Variants in SLIT3 observed in about 807,000 individuals in gnomAD.
SLIT3 encodes the protein slit homolog 3 protein.
SLIT3 carries 68 observed loss-of-function variants against 184.0 expected under a neutral mutation model. That is an observed-to-expected ratio of 0.37 (90% confidence interval 0.30 to 0.45). The LOEUF (loss-of-function observed/expected upper bound fraction) is 0.45, where lower values mean the gene tolerates loss of function less well. SLIT3 is among the 20% of genes least tolerant of loss of function. The probability of loss-of-function intolerance (pLI) is 1.00; values close to 1 mark genes in which losing one functional copy is unlikely to be tolerated. For synonymous variants in SLIT3, 831 were observed against 828.6 expected (o/e 1.00, Z -0.05); for missense variants, 1,707 against 2,026.0 (o/e 0.84, Z 3.02).
chr5:169,229,261 AAC>A (rs1474729123), intron 3 of SLIT3, among the ~76,000 whole-genome samples: 1 of 152,234 alleles, frequency 6.6e-6, no homozygotes, highest in African/African-American at 2.4e-5. Context: ...TAAAGAATAA[AAC>A]AAAACTAAAA....
At chr5:169,245,775 C>T (rs1334894274) in intron 2 of SLIT3, among the ~76,000 whole-genome samples, 1 of 152,174 alleles carries the variant, frequency 6.6e-6, no homozygotes, top group Non-Finnish European at 1.5e-5. Context: ...AAACTGAATG[C>T]TCCATGACAG....
intron 4 of SLIT3, among the ~76,000 whole-genome samples, chr5:168,907,988 AG>A (rs1294757561): frequency 2.1e-5 from 3 of 140,446 alleles, no homozygotes; most frequent in Admixed American, 7.2e-5. Context: ...ATAGAGAGAG[AG>A]AGAGAGAGAG....
At chr5:168,716,250 C>G (rs1387468247) in intron 23 of SLIT3, among the ~76,000 whole-genome samples, 1 of 152,160 alleles carries the variant, frequency 6.6e-6, no homozygotes, top group African/African-American at 2.4e-5. Context: ...GCTGGGATAA[C>G]AGACACATTC....
At chr5:169,249,653 T>C (rs1765708581) in intron 2 of SLIT3, among the ~76,000 whole-genome samples, 9 of 152,146 alleles carry the variant, frequency 5.9e-5, no homozygotes, top group Admixed American at 5.9e-4. Context: ...ACCTGGCAAA[T>C]GACATAGAAT....
chr5:168,895,429 A>G (rs964449535), intron 4 of SLIT3, among the ~76,000 whole-genome samples: 5 of 152,190 alleles, frequency 3.3e-5, no homozygotes, highest in Non-Finnish European at 7.3e-5. Flanking sequence ...TCAGAAGACC[A>G]TTAAACAAGT....
In SLIT3 at chr5:169,194,060, C is replaced by A. The variant is rs1763658848; in HGVS notation, c.342-510G>T. 3.3e-5 allele frequency among the ~76,000 whole-genome samples: 5 copies of A among 151,730 alleles called. No homozygotes were observed. In the South Asian group the frequency reaches 1.0e-3, roughly 32 times the overall value. Reference sequence around the variant, plus strand: ...CATCATTGGGCAACATGGTGAAACCCCGTTTCTAATAAAAATACAAAAAAA... The same window carrying A: ...CATCATTGGGCAACATGGTGAAACCACGTTTCTAATAAAAATACAAAAAAA... On this transcript the variant is annotated intron_variant, in intron 3 of 35. Transcript: ENST00000519560.
chr5:169,161,185 C>T (rs1001570925), intron 4 of SLIT3, among the ~76,000 whole-genome samples: 37 of 152,228 alleles, frequency 2.4e-4, no homozygotes, highest in Non-Finnish European at 4.6e-4. Flanking sequence ...CATTTGGCAT[C>T]CCAGCGGTGC....
chr5:168,978,197 A>G (rs1357610694), intron 4 of SLIT3, among the ~76,000 whole-genome samples: 2 of 152,200 alleles, frequency 1.3e-5, no homozygotes, highest in Non-Finnish European at 2.9e-5. Context: ...CCCAGTTTGA[A>G]AGTGAAGATA....
At chr5:169,117,265 A>G (rs1347841764) in intron 4 of SLIT3, among the ~76,000 whole-genome samples, 2 of 152,214 alleles carry the variant, frequency 1.3e-5, no homozygotes, top group African/African-American at 2.4e-5. Context: ...CTTACAATCT[A>G]TAAAAAGCAC....
chr5:169,099,997 G>A (rs1174405071), intron 4 of SLIT3, among the ~76,000 whole-genome samples: 1 of 152,250 alleles, frequency 6.6e-6, no homozygotes, highest in Non-Finnish European at 1.5e-5. Context: ...GCAGATGTCA[G>A]AGAGATGACT....
chr5:169,267,354 T>A (rs940143326), intron 1 of SLIT3, among the ~76,000 whole-genome samples: 12 of 152,226 alleles, frequency 7.9e-5, no homozygotes, highest in Non-Finnish European at 1.5e-5. Flanking sequence ...GCTAAACTAA[T>A]AAGCTCCAAC....
intron 4 of SLIT3, among the ~76,000 whole-genome samples, chr5:168,909,234 C>G (rs759537946): frequency 1.3e-5 from 2 of 152,200 alleles, no homozygotes; most frequent in Admixed American, 1.3e-4. Context: ...TTTATGGATT[C>G]CTCCTTTGCT....
chr5:169,081,213 C>T (rs1014177118), intron 4 of SLIT3, among the ~76,000 whole-genome samples: 2 of 152,180 alleles, frequency 1.3e-5, no homozygotes, highest in African/African-American at 4.8e-5. Flanking sequence ...CTCTGGGGCC[C>T]CCTGGAGGGG....
At chr5:168,844,772 C>T (rs1382264991) in intron 5 of SLIT3, 117 bp from the exon 6 acceptor site, 1 of 821,044 alleles carries the variant, frequency 1.2e-6, no homozygotes, top group African/African-American at 1.7e-5. Flanking sequence ...TGGTCCCCGC[C>T]AGGAGCTCGT....
At chr5:169,094,474 C>T (rs1319801036) in intron 4 of SLIT3, among the ~76,000 whole-genome samples, 1 of 152,146 alleles carries the variant, frequency 6.6e-6, no homozygotes, top group East Asian at 1.9e-4. Context: ...ACTAAAAATA[C>T]AAAAAATTAG....
chr5:169,142,460 G>T (rs528759250), intron 4 of SLIT3, among the ~76,000 whole-genome samples: 1 of 152,168 alleles, frequency 6.6e-6, no homozygotes, highest in African/African-American at 2.4e-5. Flanking sequence ...TCACTCAGGT[G>T]TTGGGTCACT....
intron 4 of SLIT3, among the ~76,000 whole-genome samples, chr5:169,165,306 A>C (rs1369134631): frequency 6.6e-6 from 1 of 152,220 alleles, no homozygotes; most frequent in Admixed American, 6.5e-5. Context: ...GGCCAACCTA[A>C]AAGAGAGATC....
In SLIT3 at chr5:168,666,101, T is replaced by G. The variant is rs1193241615; in HGVS notation, c.*353A>C. 6.0e-6 allele frequency: 1 copy of G among 167,478 alleles called. No homozygotes were observed. Among genetic ancestry groups the G allele is most frequent in the African/African-American group, 2.4e-5 (1 of 42,136 alleles). The allele number at this position is 167,478 out of a possible 1,614,324, so 10.4% of individuals were successfully genotyped here. A position where few individuals can be genotyped will look rare whatever the true frequency, so the allele number is the denominator to read the frequency against. On this transcript the variant is annotated 3_prime_UTR_variant, in exon 36 of 36. Transcript: ENST00000519560. The stretch of plus-strand genomic sequence containing the variant: ...GACAGGCTATCATTCTTTATTCTTA[T>G]CCTTTTGTTTTAAAGCATTTTTATT...
chr5:169,159,630 G>T (rs150576298), intron 4 of SLIT3, among the ~76,000 whole-genome samples: 3,743 of 152,126 alleles, frequency 0.025, 197 homozygotes, highest in East Asian at 0.23. Context: ...ACAAAAATTA[G>T]TTGGGCGTGG....
Sources: gnomAD v4.1 joint callset for allele counts (sites outside exome capture counted in the v4.1 genomes callset) on GRCh38, gnomAD v4.1.1 for gene constraint, MANE v1.5 for transcripts, NCBI Gene and HGNC (gene_info 2026-07-23, HGNC 2026-07-21) for gene names.